The following PRICKLE4 variants were observed in gnomAD, a reference collection of about 807,000 sequenced individuals.
The protein encoded by PRICKLE4 is prickle-like protein 4.
Under a neutral mutation model 43.5 loss-of-function variants are expected in PRICKLE4, and 40 were observed. The observed-to-expected ratio is 0.92, with a 90% CI of 0.71 to 1.20. PRICKLE4 has a LOEUF of 1.20. PRICKLE4 is among the 50% of genes most tolerant of loss of function. The probability of loss-of-function intolerance (pLI) is 0.00; values close to 1 mark genes in which losing one functional copy is unlikely to be tolerated. For synonymous variants in PRICKLE4, 208 were observed against 197.4 expected, an observed-to-expected ratio of 1.05 and a Z score of -0.45; for missense variants, 527 against 491.2, an observed-to-expected ratio of 1.07 and a Z score of -0.69.
Position 41,787,387 on chromosome 6 carries a change from A to C in PRICKLE4, c.*258A>C, listed in dbSNP as rs1002401169. ...AGATAGCCCCTACCCCCACCTCCAC[A>C]GGCTGGGACAGCCCCGTCCCCACCA... On this transcript the variant is annotated 3_prime_UTR_variant, in exon 8 of 8. Coordinates refer to ENST00000458694, the MANE Select transcript of PRICKLE4 (RefSeq NM_013397.6). 44 of 612,090 alleles carry C rather than the reference A, an allele frequency of 7.2e-5. No homozygotes were observed. In the African/African-American group the frequency reaches 8.1e-4, roughly 11 times the overall value. 37.9% of individuals were successfully genotyped at this position (612,090 alleles called of 1,614,324 possible). A position where few individuals can be genotyped will look rare whatever the true frequency, so the allele number is the denominator to read the frequency against.
In PRICKLE4 at chr6:41,786,104, C is replaced by CCCCTCT. The variant is rs547639371; in HGVS notation, c.583-8_583-3dup. 3.2e-4 allele frequency: 514 copies of CCCCTCT among 1,600,166 alleles called. 1 individual carries two copies. In the African/African-American group the frequency reaches 5.3e-3, roughly 16 times the overall value. On this transcript the variant is annotated intron_variant, in intron 6 of 7. Transcript: ENST00000458694. The stretch of plus-strand genomic sequence containing the variant: ...TGAGGGAATGAATGAATGAAACGTT[C>CCCCTCT]CCCTCTCCCTCTCCCTCTCCCAGCT...
Position 41,783,481 on chromosome 6 carries a change from T to C in PRICKLE4, c.8T>C (p.Val3Ala). 2.0e-6 allele frequency: 3 copies of C among 1,518,612 alleles called. No individual in the cohort carries two copies. The highest frequency in any genetic ancestry group is 2.7e-6 in the Non-Finnish European group (3 of 1,101,552). The allele number at this position is 1,518,612 out of a possible 1,614,324, so 94.1% of individuals were successfully genotyped here. ...GGGTAGGCTTTGCCACAAATGTCAGTGCAGAACTCTGGCTGGCCCCACCAA... is the reference window on the plus strand; with the variant it reads ...GGGTAGGCTTTGCCACAAATGTCAGCGCAGAACTCTGGCTGGCCCCACCAA... MS[V>A]QNSGWPHQED... The change falls in exon 3 of 8, where the codon GTG (valine) becomes GCG (alanine). Residue 3 changes from valine (V) to alanine (A), a missense_variant. Coordinates refer to ENST00000458694, the MANE Select transcript of PRICKLE4 (RefSeq NM_013397.6).
chr6:41,785,980 C>T lies in PRICKLE4; in HGVS notation c.583-148C>T, dbSNP rs1772636945. On this transcript the variant is annotated intron_variant, in intron 6 of 7. Coordinates refer to ENST00000458694, the MANE Select transcript of PRICKLE4 (RefSeq NM_013397.6). Reference sequence around the variant, plus strand: ...GGGATCCTGGCTAAGCCAATCAGTCCTCCCTGCGTCCAAAAGTGGCTGAGT... The same window carrying T: ...GGGATCCTGGCTAAGCCAATCAGTCTTCCCTGCGTCCAAAAGTGGCTGAGT... The T allele has an allele frequency of 8.8e-6, 8 of 909,558 alleles. No homozygotes were observed. In the South Asian group the frequency reaches 1.3e-4, roughly 15 times the overall value. 56.3% of individuals were successfully genotyped at this position (909,558 alleles called of 1,614,324 possible).
Position 41,787,134 on chromosome 6 carries a change from G to A in PRICKLE4, c.*5G>A. The A allele has an allele frequency of 6.3e-7, 1 of 1,595,634 alleles. No homozygotes were observed. The highest frequency in any genetic ancestry group is 8.5e-7 in the Non-Finnish European group (1 of 1,174,626). ...ACGCACTGCACCATGTGCTAGTGGC[G>A]CAGCTCAGAGAGGGGATGTGAGTGG... On this transcript the variant is annotated 3_prime_UTR_variant, in exon 8 of 8. Transcript: ENST00000458694.
intron 7 of PRICKLE4, 190 bp from the exon 8 acceptor site, chr6:41,786,572 C>T: frequency 1.8e-6 from 2 of 1,123,362 alleles, no homozygotes; most frequent in Admixed American, 2.2e-5. Context: ...GCCAGACTCC[C>T]TCCCAGGCGC....
At chr6:41,782,257 A>C (rs2127304938) in intron 2 of PRICKLE4, among the ~76,000 whole-genome samples, 1 of 151,428 alleles carries the variant, frequency 6.6e-6, no homozygotes, top group African/African-American at 2.4e-5. Flanking sequence ...TTTGTAGTAG[A>C]GATGGGGTTT....
chr6:41,784,644 G>C lies in PRICKLE4; in HGVS notation c.241-291G>C, dbSNP rs969533532. 5.9e-6 allele frequency: 3 copies of C among 511,906 alleles called. No individual in the cohort carries two copies. In the African/African-American group the frequency reaches 5.9e-5, roughly 10 times the overall value. The allele number at this position is 511,906 out of a possible 1,614,324, so 31.7% of individuals were successfully genotyped here. A position where few individuals can be genotyped will look rare whatever the true frequency, so the allele number is the denominator to read the frequency against. ...TTGAGGAAATGCAAGAATGGGAAGT[G>C]ATACTGAGCTCTTAGCTCATTGGGA... is the stretch of plus-strand genomic sequence containing the variant. On this transcript the variant is annotated intron_variant, in intron 4 of 7. Transcript: ENST00000458694.
chr6:41,787,397 A>T lies in PRICKLE4; in HGVS notation c.*268A>T, dbSNP rs1224324419. ...TACCCCCACCTCCACAGGCTGGGAC[A>T]GCCCCGTCCCCACCATCCTCCTCCC... On this transcript the variant is annotated 3_prime_UTR_variant, in exon 8 of 8. Coordinates refer to ENST00000458694, the MANE Select transcript of PRICKLE4 (RefSeq NM_013397.6). The T allele has an allele frequency of 1.3e-5, 8 of 610,410 alleles. No individual in the cohort carries two copies. The highest frequency in any genetic ancestry group is 4.4e-5 in the South Asian group (2 of 45,138). The allele number at this position is 610,410 out of a possible 1,614,324, so 37.8% of individuals were successfully genotyped here.
At chr6:41,784,363 T>C in intron 4 of PRICKLE4, 125 bp downstream of exon 4, 1 of 747,962 alleles carries the variant, frequency 1.3e-6, no homozygotes, top group South Asian at 2.0e-5. Flanking sequence ...TGGCACTGGT[T>C]GGGGCGTCAT....
chr6:41,783,441 G>C, intron 2 of PRICKLE4, 21 bp from the exon 3 acceptor site: 1 of 1,464,572 alleles, frequency 6.8e-7, no homozygotes, highest in African/African-American at 1.4e-5. Context: ...ACATGGAGGT[G>C]TTCTTATTGT....
intron 1 of PRICKLE4, 54 bp downstream of exon 1, chr6:41,780,880 C>A (rs561540343): frequency 1.9e-4 from 30 of 159,718 alleles, no homozygotes; most frequent in Non-Finnish European, 3.6e-4. Flanking sequence ...GCAGCCAGAC[C>A]GGGAACCCCA....
intron 7 of PRICKLE4, 91 bp downstream of exon 7, chr6:41,786,423 C>T (rs1284732305): frequency 1.4e-6 from 2 of 1,387,642 alleles, no homozygotes; most frequent in East Asian, 5.0e-5. Context: ...CGGTCCCACG[C>T]CGTCCCGTCC....
intron 4 of PRICKLE4, 136 bp from the exon 5 acceptor site, chr6:41,784,799 A>G (rs1581978321): frequency 8.8e-7 from 1 of 1,134,954 alleles, no homozygotes; most frequent in African/African-American, 1.6e-5. Context: ...TTCCTCTTCT[A>G]TGCCATTATC....
chr6:41,785,337 T>C lies in PRICKLE4; in HGVS notation c.379T>C (p.Cys127Arg), dbSNP rs781557429. ...CACCTCAGCACCTCCCCTCTGACAG[T>C]GTAGGGAGCTGCTGAAGCCAGGGGA... The part of the protein sequence containing the change: ...PKLEGHTCEK[C>R]RELLKPGEYG... Residue 127 changes from cysteine to arginine, a missense_variant and splice_region_variant, in exon 6 of 8, where the codon TGT becomes CGT. Transcript: ENST00000458694. 1.9e-6 allele frequency: 3 copies of C among 1,613,594 alleles called. No individual in the cohort carries two copies. Among genetic ancestry groups the C allele is most frequent in the Admixed American group, 1.7e-5 (1 of 60,008 alleles).
Position 41,786,859 on chromosome 6 carries a change from C to G in PRICKLE4, c.885C>G (p.Ser295Arg), listed in dbSNP as rs749802626. The change falls in exon 8 of 8, where the codon AGC becomes AGG. Residue 295 changes from serine to arginine, a missense_variant. Coordinates refer to ENST00000458694, the MANE Select transcript of PRICKLE4 (RefSeq NM_013397.6). The part of the protein sequence containing the change: ...RTLLAAAGGS[S>R]LQTQRGLPGS... The stretch of plus-strand genomic sequence containing the variant: ...TCCTCGCTGCTGCCGGCGGTTCCAG[C>G]CTGCAAACTCAGAGGGGGCTGCCTG... The G allele has an allele frequency of 4.4e-6, 7 of 1,603,236 alleles. No individual in the cohort carries two copies.
intron 7 of PRICKLE4, 33 bp downstream of exon 7, chr6:41,786,365 G>C (rs1260742580): frequency 3.9e-6 from 6 of 1,540,262 alleles, no homozygotes; most frequent in Non-Finnish European, 5.2e-6. Flanking sequence ...AAGCGGGAGG[G>C]AGCTTGGGCT....
At position 41,786,811 on chromosome 6, in the gene PRICKLE4, C is replaced by G. The variant is rs1772664997; in HGVS notation, c.837C>G (p.Asn279Lys). 6.9e-6 allele frequency: 11 copies of G among 1,599,170 alleles called. No homozygotes were observed. Among genetic ancestry groups the G allele is most frequent in the Non-Finnish European group, 8.5e-6 (10 of 1,174,970 alleles). ...RTEGRDQTSVNSATLSRTLLA... is the reference protein window; with the variant it reads ...RTEGRDQTSVKSATLSRTLLA... The stretch of plus-strand genomic sequence containing the variant: ...AAGGAAGGGACCAAACCTCGGTGAA[C>G]TCTGCAACCCTCTCCCGAACACTCC... The change falls in exon 8 of 8, where the codon AAC (asparagine) becomes AAG (lysine). Residue 279 changes from asparagine to lysine, a missense_variant. Coordinates refer to ENST00000458694, the MANE Select transcript of PRICKLE4 (RefSeq NM_013397.6).
Position 41,785,478 on chromosome 6 carries a change from C to A in PRICKLE4, c.520C>A (p.Gln174Lys). 1 of 1,614,092 alleles carries A rather than the reference C, an allele frequency of 6.2e-7. No homozygotes were observed. The highest frequency in any genetic ancestry group is 8.5e-7 in the Non-Finnish European group (1 of 1,180,040). The change falls in exon 6 of 8, where the codon CAA (glutamine) becomes AAA (lysine). Residue 174 changes from glutamine to lysine, a missense_variant. Transcript: ENST00000458694. ...INLIYFYHDG[Q>K]LYCGRHHAEL... ...CCTCATCTACTTCTACCATGATGGA[C>A]AACTCTACTGCGGCCGTCATCATGC...
chr6:41,785,434 G>T lies in PRICKLE4; in HGVS notation c.476G>T (p.Cys159Phe). 1 of 1,614,118 alleles carries T rather than the reference G, an allele frequency of 6.2e-7. No individual in the cohort carries two copies. The highest frequency in any genetic ancestry group is 8.5e-7 in the Non-Finnish European group (1 of 1,180,034). ...WHQPCFACQA[C>F]GQALINLIYF... ...CAGCCTTGCTTTGCCTGCCAGGCCT[G>T]TGGCCAGGCCCTGATAAACCTCATC... is the stretch of plus-strand genomic sequence containing the variant. The change falls in exon 6 of 8, where the codon TGT becomes TTT. Residue 159 changes from cysteine (C) to phenylalanine (F), a missense_variant. Physicochemically the swap from Cys to Phe is radical, Grantham distance 205. Transcript: ENST00000458694.
Sources: gnomAD v4.1 joint callset for allele counts (sites outside exome capture counted in the v4.1 genomes callset) on GRCh38, gnomAD v4.1.1 for gene constraint, MANE v1.5 for transcripts, NCBI Gene and HGNC (gene_info 2026-07-23, HGNC 2026-07-21) for gene names.